RAP1GAP2: variants seen among roughly 807,000 people sequenced by gnomAD.
RAP1GAP2 encodes the protein rap1 GTPase-activating protein 2.
Under a neutral mutation model 95.0 loss-of-function variants are expected in RAP1GAP2, and 27 were observed. That is an observed-to-expected ratio of 0.28 (90% CI 0.21 to 0.39). The LOEUF is 0.39. RAP1GAP2 is among the 10% of genes least tolerant of loss of function. The probability of loss-of-function intolerance (pLI) is 1.00; values close to 1 mark genes in which losing one functional copy is unlikely to be tolerated. For synonymous variants in RAP1GAP2, 373 were observed against 380.9 expected (o/e 0.98, Z 0.24); for missense variants, 771 against 970.0 (o/e 0.79, Z 2.72).
rs2072285039 is a variant in RAP1GAP2, at chr17:2,859,501, T to C, written c.81-45783T>C. On this transcript the variant is annotated intron_variant, in intron 2 of 24. Transcript: ENST00000254695. ...CCCAGGGTGGAGTGCAGTGGTATGA[T>C]CTTGGCTTACTGCAACTTCCGCCTC... Among the ~76,000 whole-genome samples, 3 of 152,264 alleles carry C rather than the reference T, an allele frequency of 2.0e-5. No individual in the cohort carries two copies. The South Asian group carries it at 6.2e-4, about 32-fold the overall frequency.
chr17:2,950,180 A>G (rs982121271), intron 3 of RAP1GAP2, among the ~76,000 whole-genome samples: 12 of 151,766 alleles, frequency 7.9e-5, no homozygotes, highest in African/African-American at 1.2e-4. Context: ...CAGCCTCCCA[A>G]GTAGCTGAGA....
intron 2 of RAP1GAP2, among the ~76,000 whole-genome samples, chr17:2,812,819 GTC>G (rs1295165563): frequency 6.6e-6 from 1 of 151,794 alleles, no homozygotes; most frequent in Non-Finnish European, 1.5e-5. Flanking sequence ...ATGAAACCCT[GTC>G]TCTACTAAAA....
chr17:2,836,088 G>C (rs1015437875), intron 2 of RAP1GAP2, among the ~76,000 whole-genome samples: 9 of 152,114 alleles, frequency 5.9e-5, no homozygotes, highest in Non-Finnish European at 1.2e-4. Flanking sequence ...GGCTTCTCCT[G>C]GGAAGTTGTC....
intron 10 of RAP1GAP2, among the ~76,000 whole-genome samples, chr17:2,982,275 A>G (rs1232278984): frequency 2.6e-5 from 4 of 152,200 alleles, no homozygotes; most frequent in Admixed American, 6.5e-5. Flanking sequence ...AGTAGCTGGG[A>G]CTACAGGTGT....
intron 23 of RAP1GAP2, among the ~76,000 whole-genome samples, chr17:3,032,046 G>C (rs1488798926): frequency 1.4e-5 from 2 of 146,030 alleles, no homozygotes; most frequent in African/African-American, 5.0e-5. Flanking sequence ...GGAAGGGCTG[G>C]TTCTTGGGTC....
chr17:2,977,280 A>C (rs1393290212), intron 8 of RAP1GAP2, among the ~76,000 whole-genome samples: 2 of 152,218 alleles, frequency 1.3e-5, no homozygotes, highest in Non-Finnish European at 2.9e-5. Flanking sequence ...TAAACATATA[A>C]ATTTCCAAAA....
chr17:2,842,124 G>A (rs1243853692), intron 2 of RAP1GAP2, among the ~76,000 whole-genome samples: 1 of 152,218 alleles, frequency 6.6e-6, no homozygotes, highest in Non-Finnish European at 1.5e-5. Context: ...TCACTCAGGG[G>A]AAGAGACCTG....
At chr17:2,869,166 A>G (rs2072740413) in intron 2 of RAP1GAP2, among the ~76,000 whole-genome samples, 1 of 152,120 alleles carries the variant, frequency 6.6e-6, no homozygotes, top group African/African-American at 2.4e-5. Flanking sequence ...GGATTTCAAC[A>G]CAGAAATTTT....
intron 3 of RAP1GAP2, among the ~76,000 whole-genome samples, chr17:2,937,425 G>T (rs911321984): frequency 6.6e-6 from 1 of 152,162 alleles, no homozygotes; most frequent in Non-Finnish European, 1.5e-5. Flanking sequence ...CTTGGGGCAC[G>T]CCACGTTCCT....
At chr17:2,962,845 G>A (rs886609395) in intron 5 of RAP1GAP2, 131 bp downstream of exon 5, 6 of 871,678 alleles carry the variant, frequency 6.9e-6, no homozygotes, top group South Asian at 3.8e-5. Context: ...CGCACCACGG[G>A]CCGCTTCACG....
chr17:2,828,666 G>C (rs567978648), intron 2 of RAP1GAP2, among the ~76,000 whole-genome samples: 1 of 152,154 alleles, frequency 6.6e-6, no homozygotes, highest in Non-Finnish European at 1.5e-5. Context: ...GTGGGGCCGC[G>C]GGTTCTTTGA....
chr17:2,940,532 G>A (rs1195668200), intron 3 of RAP1GAP2, among the ~76,000 whole-genome samples: 15 of 152,222 alleles, frequency 9.9e-5, no homozygotes, highest in Admixed American at 9.8e-4. Flanking sequence ...GCCAGGCTGC[G>A]GGTCCCGCCC....
At chr17:2,790,311 C>T (rs1046208096) in intron 1 of RAP1GAP2, among the ~76,000 whole-genome samples, 3 of 152,144 alleles carry the variant, frequency 2.0e-5, no homozygotes, top group Non-Finnish European at 2.9e-5. Context: ...GGGGTTTCTC[C>T]ATGTTGGTCA....
intron 1 of RAP1GAP2, chr17:2,800,310 G>A (rs1023320075): frequency 1.2e-6 from 1 of 865,854 alleles, no homozygotes; most frequent in African/African-American, 1.8e-5. Context: ...TAATACGCAT[G>A]TTGTAGGGTG....
intron 2 of RAP1GAP2, among the ~76,000 whole-genome samples, chr17:2,838,013 T>C (rs531438673): frequency 3.9e-5 from 4 of 101,658 alleles, no homozygotes; most frequent in African/African-American, 2.0e-4. Context: ...TCTTTCTTTT[T>C]TCCTTTTTTT....
chr17:2,775,731 C>A (rs1019488448), upstream of RAP1GAP2, among the ~76,000 whole-genome samples: 1 of 152,146 alleles, frequency 6.6e-6, no homozygotes, highest in African/African-American at 2.4e-5. Context: ...CATCACTAAG[C>A]CATAGTCAAA....
chr17:2,889,889 A>ATATATATATTTT (rs1408426152), intron 2 of RAP1GAP2, among the ~76,000 whole-genome samples: 79 of 57,262 alleles, frequency 1.4e-3, no homozygotes, highest in South Asian at 3.2e-3. Flanking sequence ...ATATATATAT[A>ATATATATATTTT]TTTTTTTTTT....
intron 3 of RAP1GAP2, among the ~76,000 whole-genome samples, chr17:2,927,630 A>G (rs1392382766): frequency 6.6e-6 from 1 of 152,148 alleles, no homozygotes; most frequent in Non-Finnish European, 1.5e-5. Flanking sequence ...GTAACCTCAC[A>G]CATTCCCAGG....
Position 2,870,860 on chromosome 17 carries a change from T to C in RAP1GAP2, c.81-34424T>C, listed in dbSNP as rs917114897. On this transcript the variant is annotated intron_variant, in intron 2 of 24. Transcript: ENST00000254695. This position sits in a 1 kb window ranked among gnomAD's most constrained non-coding sequence, Gnocchi z 4.4. ...CCTCTCTGTCTCGTCACTGTGTCTC[T>C]TTGTGTTGGCTTCATTCTCTTGGGC... Among the ~76,000 whole-genome samples, 1 of 152,228 alleles carries C rather than the reference T, an allele frequency of 6.6e-6. No homozygotes were observed. Among genetic ancestry groups the C allele is most frequent in the Non-Finnish European group, 1.5e-5 (1 of 68,032 alleles).
Sources: gnomAD v4.1 joint callset for allele counts (sites outside exome capture counted in the v4.1 genomes callset) on GRCh38, gnomAD v4.1.1 for gene constraint, Gnocchi (gnomAD v3.1) non-coding constraint, MANE v1.5 for transcripts, NCBI Gene and HGNC (gene_info 2026-07-23, HGNC 2026-07-21) for gene names.